EPHA3: variants seen among roughly 807,000 people sequenced by gnomAD.
The protein encoded by EPHA3 is ephrin type-A receptor 3.
EPHA3 carries 42 observed loss-of-function variants against 107.1 expected under a neutral mutation model. The ratio of observed to expected loss-of-function variants is 0.39; its 90% CI spans 0.31 to 0.51. The LOEUF is 0.51. Ranked by LOEUF, EPHA3 falls within the 20% of genes least tolerant of loss-of-function variation. The pLI is 0.78. For missense variants in EPHA3, 1,183 were observed against 1,211.2 expected (o/e 0.98, Z 0.35); for synonymous variants, 461 against 424.8 (o/e 1.09, Z -1.05).
intron 2 of EPHA3, among the ~76,000 whole-genome samples, chr3:89,177,505 CAT>C (rs1268888565): frequency 6.6e-6 from 1 of 152,172 alleles, no homozygotes; most frequent in Non-Finnish European, 1.5e-5. Flanking sequence ...CAAAGACTGA[CAT>C]AGGCTGACAG....
At chr3:89,177,028 AAC>A (rs551106568) in intron 2 of EPHA3, among the ~76,000 whole-genome samples, 37 of 152,138 alleles carry the variant, frequency 2.4e-4, no homozygotes, top group African/African-American at 8.9e-4. Flanking sequence ...TAATTTGCAA[AAC>A]CAAACGCTTA....
intron 2 of EPHA3, among the ~76,000 whole-genome samples, chr3:89,188,979 T>C (rs1193686742): frequency 2.0e-5 from 3 of 152,208 alleles, no homozygotes; most frequent in Admixed American, 6.5e-5. Context: ...GAAATACTTT[T>C]GAGTGAGTTA....
chr3:89,200,256 C>T (rs563158849), intron 2 of EPHA3, among the ~76,000 whole-genome samples: 9 of 152,260 alleles, frequency 5.9e-5, no homozygotes, highest in Admixed American at 2.6e-4. Flanking sequence ...TTTATATACA[C>T]GTACCTTGTC....
At chr3:89,321,211 T>C (rs1707036564) in intron 3 of EPHA3, among the ~76,000 whole-genome samples, 1 of 151,988 alleles carries the variant, frequency 6.6e-6, no homozygotes, top group African/African-American at 2.4e-5. Flanking sequence ...AGCATGTGAG[T>C]TGAAGAAGGA....
chr3:89,213,570 G>A (rs577472440), intron 3 of EPHA3, among the ~76,000 whole-genome samples: 1 of 152,074 alleles, frequency 6.6e-6, no homozygotes, highest in African/African-American at 2.4e-5. Context: ...TTAGAATAAC[G>A]AATAGATGAT....
chr3:89,123,235 C>T (rs1707429554), intron 1 of EPHA3, among the ~76,000 whole-genome samples: 1 of 152,222 alleles, frequency 6.6e-6, no homozygotes, highest in South Asian at 2.1e-4. Context: ...ACCTGCGCCT[C>T]CGGGTTGAAG....
chr3:89,290,595 T>G (rs1273999635), intron 3 of EPHA3, among the ~76,000 whole-genome samples: 1 of 152,154 alleles, frequency 6.6e-6, no homozygotes, highest in African/African-American at 2.4e-5. Context: ...TAAGTGTCAT[T>G]ATGTGTTTGG....
intron 3 of EPHA3, among the ~76,000 whole-genome samples, chr3:89,313,992 A>G (rs190478884): frequency 2.7e-5 from 4 of 150,386 alleles, no homozygotes; most frequent in African/African-American, 1.0e-4. Flanking sequence ...TTTAATATTA[A>G]TTTGATGCTG....
intron 3 of EPHA3, among the ~76,000 whole-genome samples, chr3:89,318,383 G>A: frequency 6.6e-6 from 1 of 151,750 alleles, no homozygotes; most frequent in East Asian, 1.9e-4. Flanking sequence ...CCTTTGATTT[G>A]ATATTTTGGG....
rs771278897 is a variant in EPHA3, at chr3:89,342,029, G to C, written c.1245G>C (p.Val415=). 1 of 1,612,070 alleles carries C rather than the reference G, an allele frequency of 6.2e-7. No homozygotes were observed. The highest frequency in any genetic ancestry group is 8.5e-7 in the Non-Finnish European group (1 of 1,179,632). Residue 415 remains valine (V), a synonymous_variant, in exon 5 of 17, where the codon GTG becomes GTC. Transcript: ENST00000336596. ...TTGAGATTGATGCCGTTAATGGGGT[G>C]TCAGAGCTGAGCTCCCCACCAAGAC... ...YTFEIDAVNG[V]SELSSPPRQF...
At chr3:89,113,960 A>G (rs1465454773) in intron 1 of EPHA3, among the ~76,000 whole-genome samples, 4 of 152,190 alleles carry the variant, frequency 2.6e-5, no homozygotes, top group Non-Finnish European at 4.4e-5. Flanking sequence ...ATTAAACTAG[A>G]AGCCCTGAGT....
chr3:89,353,256 A>T (rs1036290793), intron 5 of EPHA3, among the ~76,000 whole-genome samples: 2 of 151,422 alleles, frequency 1.3e-5, no homozygotes, highest in African/African-American at 4.8e-5. Context: ...ATTAAACACC[A>T]AAAGGATCTA....
intron 3 of EPHA3, among the ~76,000 whole-genome samples, chr3:89,283,225 G>A (rs1339377421): frequency 6.6e-6 from 1 of 152,068 alleles, no homozygotes; most frequent in Non-Finnish European, 1.5e-5. Context: ...AAACTGATTA[G>A]TGGTATTAGG....
At chr3:89,330,258 A>G (rs9310122) in intron 3 of EPHA3, among the ~76,000 whole-genome samples, 71,208 of 151,638 alleles carry the variant, frequency 0.47, 17,128 homozygotes, top group African/African-American at 0.55. Flanking sequence ...CCCTAAAATT[A>G]CACTAACTCT....
intron 13 of EPHA3, among the ~76,000 whole-genome samples, chr3:89,446,158 T>G (rs1484047618): frequency 6.6e-6 from 1 of 152,170 alleles, no homozygotes; most frequent in Non-Finnish European, 1.5e-5. Flanking sequence ...ATAGACCACA[T>G]GTAATTGGGA....
rs1366532917 is a variant in EPHA3 at position 89,369,935 on chromosome 3, T to G, written c.1307-25902T>G. Among the ~76,000 whole-genome samples, 25 of 150,684 alleles carry G rather than the reference T, an allele frequency of 1.7e-4. 2 individuals carry two copies. The highest frequency in any genetic ancestry group is 6.1e-4 in the African/African-American group (25 of 40,912). On this transcript the variant is annotated intron_variant, in intron 5 of 16. Transcript: ENST00000336596. ...TCACCATCACTGGCCATCAGAGAAA[T>G]GCAAATCAAAACCACAATCAGATAC...
intron 5 of EPHA3, among the ~76,000 whole-genome samples, chr3:89,343,454 G>T (rs142482128): frequency 2.0e-5 from 3 of 152,060 alleles, no homozygotes; most frequent in African/African-American, 7.2e-5. Flanking sequence ...AGTATGTCAG[G>T]TCCATCTCCA....
chr3:89,320,051 A>G (rs531821276), intron 3 of EPHA3, among the ~76,000 whole-genome samples: 1 of 152,112 alleles, frequency 6.6e-6, no homozygotes, highest in Non-Finnish European at 1.5e-5. Flanking sequence ...TTCTGAGCAC[A>G]AGACAATTTC....
chr3:89,375,670 ACT>A (rs1207618185), intron 5 of EPHA3, among the ~76,000 whole-genome samples: 1 of 151,890 alleles, frequency 6.6e-6, no homozygotes, highest in Non-Finnish European at 1.5e-5. Context: ...AATAGAAGTG[ACT>A]CTGATAACAA....
Sources: gnomAD v4.1 joint callset for allele counts (sites outside exome capture counted in the v4.1 genomes callset) on GRCh38, gnomAD v4.1.1 for gene constraint, MANE v1.5 for transcripts, NCBI Gene and HGNC (gene_info 2026-07-23, HGNC 2026-07-21) for gene names.